The following TNS3 variants were observed in gnomAD, a reference collection of about 807,000 sequenced individuals.
TNS3 encodes the protein tensin-3.
A neutral mutation model predicts 140.9 loss-of-function variants in TNS3; 45 were observed. The ratio of observed to expected loss-of-function variants is 0.32; its 90% CI spans 0.25 to 0.41. The LOEUF (loss-of-function observed/expected upper bound fraction) is 0.41. Among genes scored for constraint, TNS3 ranks in the 10% least tolerant of loss-of-function variants. The probability of loss-of-function intolerance (pLI) is 1.00; values close to 1 mark genes in which losing one functional copy is unlikely to be tolerated. For synonymous variants in TNS3, 815 were observed against 788.4 expected (o/e 1.03, Z -0.56); for missense variants, 1,716 against 1,906.7 (o/e 0.90, Z 1.86).
At chr7:47,525,601 A>G (rs562327216) in intron 2 of TNS3, among the ~76,000 whole-genome samples, 1 of 152,318 alleles carries the variant, frequency 6.6e-6, no homozygotes, top group Admixed American at 6.5e-5. Context: ...TGAACTCTAC[A>G]AAGTGGTCTG....
At chr7:47,452,009 C>T (rs1053974965) in intron 4 of TNS3, among the ~76,000 whole-genome samples, 2 of 152,162 alleles carry the variant, frequency 1.3e-5, no homozygotes. Flanking sequence ...GTTTTCTCAT[C>T]TGGAAAAGGG....
intron 30 of TNS3, chr7:47,278,496 A>C (rs1334854868): frequency 8.0e-6 from 3 of 375,432 alleles, no homozygotes; most frequent in Non-Finnish European, 1.4e-5. Flanking sequence ...ACCTGAATCA[A>C]AGCTGAGGCT....
At chr7:47,302,101 C>T in intron 23 of TNS3, 85 bp downstream of exon 23, 1 of 1,140,626 alleles carries the variant, frequency 8.8e-7, no homozygotes, top group Non-Finnish European at 1.3e-6. Flanking sequence ...GCCCGATGTT[C>T]CCACCGCAGG....
At chr7:47,293,048 CT>C in intron 25 of TNS3, 143 bp from the exon 26 acceptor site, 1 of 646,544 alleles carries the variant, frequency 1.5e-6, no homozygotes, top group Admixed American at 3.0e-5. Flanking sequence ...TAGTGTGCAG[CT>C]TTGTGTAAAA....
intron 4 of TNS3, among the ~76,000 whole-genome samples, chr7:47,473,541 C>T (rs1198930032): frequency 5.9e-5 from 9 of 152,256 alleles, no homozygotes; most frequent in Admixed American, 5.2e-4. Flanking sequence ...TGTATAGACC[C>T]GTGTCTGTGT....
At chr7:47,482,487 C>CA (rs11427441) in intron 3 of TNS3, among the ~76,000 whole-genome samples, 82,894 of 152,010 alleles carry the variant, frequency 0.55, 25,515 homozygotes, top group Non-Finnish European at 0.66. Flanking sequence ...CAAAACAAAA[C>CA]AAAAACAGCT....
At chr7:47,296,327 A>G (rs1035842948) in intron 24 of TNS3, among the ~76,000 whole-genome samples, 8 of 152,226 alleles carry the variant, frequency 5.3e-5, no homozygotes, top group Non-Finnish European at 1.2e-4. Context: ...GAGGTTGTAG[A>G]GAAAAAGGAA....
intron 20 of TNS3, among the ~76,000 whole-genome samples, chr7:47,322,945 C>T (rs1332223601): frequency 6.6e-6 from 1 of 152,190 alleles, no homozygotes. Flanking sequence ...GTCTCATTCA[C>T]TGTCACATCA....
intron 1 of TNS3, among the ~76,000 whole-genome samples, chr7:47,560,160 G>A (rs1008584526): frequency 5.3e-5 from 8 of 152,008 alleles, no homozygotes; most frequent in African/African-American, 1.9e-4. Flanking sequence ...ACCCCAAGGT[G>A]ATGGTATGAG....
At chr7:47,576,654 G>A (rs1442997345) in intron 1 of TNS3, among the ~76,000 whole-genome samples, 1 of 152,232 alleles carries the variant, frequency 6.6e-6, no homozygotes, top group Non-Finnish European at 1.5e-5. Context: ...GCACAGGCCA[G>A]GACGCAGATG....
chr7:47,437,743 G>GAT (rs1240202380), intron 6 of TNS3, among the ~76,000 whole-genome samples: 1 of 68,912 alleles, frequency 1.5e-5, no homozygotes. Flanking sequence ...CAACATATAG[G>GAT]ATACACACAC....
intron 3 of TNS3, among the ~76,000 whole-genome samples, chr7:47,497,037 C>G (rs1798038805): frequency 8.5e-6 from 1 of 118,252 alleles, no homozygotes; most frequent in East Asian, 2.3e-4. Flanking sequence ...CCATATGGAA[C>G]CACTTTCAGG....
intron 2 of TNS3, among the ~76,000 whole-genome samples, chr7:47,512,950 G>A (rs142202330): frequency 0.01 from 1,549 of 152,202 alleles, 23 homozygotes; most frequent in African/African-American, 0.034. Flanking sequence ...CAACTTTTGC[G>A]TGACAAACAG....
intron 16 of TNS3, among the ~76,000 whole-genome samples, chr7:47,381,960 T>C (rs1276684266): frequency 1.3e-5 from 2 of 152,154 alleles, no homozygotes; most frequent in East Asian, 3.8e-4. Flanking sequence ...AGATTAGAAG[T>C]AGTGAATACA....
chr7:47,480,185 G>GA (rs1168233706), intron 4 of TNS3, among the ~76,000 whole-genome samples: 1 of 152,236 alleles, frequency 6.6e-6, no homozygotes, highest in Non-Finnish European at 1.5e-5. Context: ...CAAATCTCCG[G>GA]CAGAACACCC....
At chr7:47,443,152 T>C (rs1534138) in intron 4 of TNS3, among the ~76,000 whole-genome samples, 59,213 of 151,952 alleles carry the variant, frequency 0.39, 11,786 homozygotes, top group Non-Finnish European at 0.42. Context: ...CTCCTCATTG[T>C]TTTTCCCGGG....
intron 20 of TNS3, among the ~76,000 whole-genome samples, chr7:47,305,689 C>T (rs2150732201): frequency 6.6e-6 from 1 of 152,368 alleles, no homozygotes; most frequent in South Asian, 2.1e-4. Flanking sequence ...CATGCCTGAG[C>T]CCAGGCACAT....
intron 4 of TNS3, among the ~76,000 whole-genome samples, chr7:47,461,330 C>T (rs967135680): frequency 2.0e-4 from 30 of 152,232 alleles, no homozygotes; most frequent in African/African-American, 6.5e-4. Context: ...CTACAGGCTT[C>T]CCACCAACCA....
At chr7:47,545,455 A>ACT (rs140546971) in intron 1 of TNS3, among the ~76,000 whole-genome samples, 12,427 of 152,122 alleles carry the variant, frequency 0.082, 1,701 homozygotes, top group African/African-American at 0.28. Flanking sequence ...AATCTCTGTT[A>ACT]CTGTTTGATG....
Sources: allele counts gnomAD v4.1 joint callset (sites outside exome capture counted in the v4.1 genomes callset), GRCh38; gene constraint gnomAD v4.1.1; transcripts MANE v1.5; gene names NCBI Gene and HGNC (gene_info 2026-07-23, HGNC 2026-07-21).